FBRSL1: variants seen among roughly 807,000 people sequenced by gnomAD.
FBRSL1 encodes the protein fibrosin-1-like protein.
A neutral mutation model predicts 89.6 loss-of-function variants in FBRSL1; 51 were observed. That is an observed-to-expected ratio of 0.57 (90% CI 0.45 to 0.72). The LOEUF is 0.72. Ranked by LOEUF, FBRSL1 falls within the 30% of genes least tolerant of loss-of-function variation. The pLI is 0.00. For missense variants in FBRSL1, 1,618 were observed against 1,451.8 expected (o/e 1.11, Z -1.86); for synonymous variants, 779 against 681.1 (o/e 1.14, Z -2.24).
intron 1 of FBRSL1, among the ~76,000 whole-genome samples, chr12:132,491,410 C>T (rs977691135): frequency 2.6e-5 from 4 of 152,214 alleles, no homozygotes; most frequent in Admixed American, 6.5e-5. Context: ...ACAGTATTTG[C>T]TGAGCAAATA....
chr12:132,545,504 G>A (rs891423835), intron 4 of FBRSL1, among the ~76,000 whole-genome samples: 5 of 152,344 alleles, frequency 3.3e-5, no homozygotes, highest in East Asian at 1.9e-4. Flanking sequence ...CCTCTGGTGC[G>A]CTTGCTGGAA....
intron 4 of FBRSL1, among the ~76,000 whole-genome samples, chr12:132,538,258 G>A (rs1327475419): frequency 6.6e-6 from 1 of 152,224 alleles, no homozygotes; most frequent in African/African-American, 2.4e-5. Context: ...GCCGACGCAG[G>A]GCTCTCCAGG....
At chr12:132,537,860 A>G (rs919494704) in intron 4 of FBRSL1, among the ~76,000 whole-genome samples, 13 of 152,222 alleles carry the variant, frequency 8.5e-5, no homozygotes, top group Admixed American at 6.5e-5. Flanking sequence ...AGACAAGACC[A>G]TGGATAACAA....
intron 2 of FBRSL1, among the ~76,000 whole-genome samples, chr12:132,514,293 A>C (rs1044660939): frequency 2.0e-5 from 3 of 152,204 alleles, no homozygotes; most frequent in African/African-American, 7.2e-5. Context: ...AGGGAGACCC[A>C]GGGCCGCCCA....
chr12:132,503,046 C>T (rs1459234809), intron 1 of FBRSL1, among the ~76,000 whole-genome samples: 4 of 151,990 alleles, frequency 2.6e-5, no homozygotes, highest in East Asian at 1.9e-4. Flanking sequence ...GCCACAGCCT[C>T]CATAGCTCCC....
At chr12:132,495,552 T>G (rs980814267) in intron 1 of FBRSL1, among the ~76,000 whole-genome samples, 31 of 152,184 alleles carry the variant, frequency 2.0e-4, no homozygotes, top group African/African-American at 7.5e-4. Context: ...GGCTGCTTCC[T>G]GGTCTCCAGG....
chr12:132,533,079 C>T (rs953628837), intron 4 of FBRSL1, among the ~76,000 whole-genome samples: 18 of 152,134 alleles, frequency 1.2e-4, no homozygotes, highest in African/African-American at 3.9e-4. Context: ...CAGAGAGCCA[C>T]GGTCTCCTCC....
intron 12 of FBRSL1, 71 bp from the exon 13 acceptor site, chr12:132,574,248 G>T: frequency 6.9e-7 from 1 of 1,458,464 alleles, no homozygotes; most frequent in Non-Finnish European, 9.0e-7. Flanking sequence ...CAGACGGGCT[G>T]TGTCCCCTGC....
At chr12:132,580,683 A>G (rs143825792) in intron 15 of FBRSL1, 1 of 732,034 alleles carries the variant, frequency 1.4e-6, no homozygotes, top group East Asian at 1.3e-4. Context: ...TCTGAATACA[A>G]CTTGCCGCGT....
intron 5 of FBRSL1, chr12:132,565,732 C>G (rs771031958): frequency 4.6e-5 from 7 of 152,328 alleles, no homozygotes; most frequent in Admixed American, 1.3e-4. Flanking sequence ...GCAGTTGCTT[C>G]CTCCACACAC....
At chr12:132,504,143 G>A (rs550888129) in intron 1 of FBRSL1, among the ~76,000 whole-genome samples, 2 of 152,300 alleles carry the variant, frequency 1.3e-5, no homozygotes, top group Admixed American at 1.3e-4. Context: ...GTGCCAAGGA[G>A]GGGAGAGGCC....
In FBRSL1 at chr12:132,519,894, T is replaced by C. The variant is rs1232185891; in HGVS notation, c.490-5840T>C. Among the ~76,000 whole-genome samples, 140 of 104,548 alleles carry C rather than the reference T, an allele frequency of 1.3e-3. 2 individuals are homozygous for C. In the Admixed American group the frequency reaches 0.015, roughly 11 times the overall value. The allele number at this position is 104,548 out of a possible 152,430, so 68.6% of individuals were successfully genotyped here. A position where few individuals can be genotyped will look rare whatever the true frequency, so the allele number is the denominator to read the frequency against. On this transcript the variant is annotated intron_variant, in intron 2 of 18. Transcript: ENST00000680143. ...CTGCACTCCAGCCTGGGCAAGACTC[T>C]GTCTCAAAAAAAAAAAAAAAAAAAG...
At chr12:132,568,489 G>A (rs1248917119) in intron 6 of FBRSL1, among the ~76,000 whole-genome samples, 2 of 152,272 alleles carry the variant, frequency 1.3e-5, no homozygotes, top group African/African-American at 2.4e-5. Flanking sequence ...AGCTGGCTTC[G>A]CAGACGGTGT....
intron 6 of FBRSL1, among the ~76,000 whole-genome samples, chr12:132,569,465 C>A (rs2039860661): frequency 6.6e-6 from 1 of 152,170 alleles, no homozygotes; most frequent in Non-Finnish European, 1.5e-5. Flanking sequence ...CAGACCCATG[C>A]CCTGGGCTGA....
rs977532085 is a variant in FBRSL1 at position 132,570,505 on chromosome 12, C to A, written c.1178C>A (p.Pro393Gln). The change falls in exon 8 of 19, where the codon CCG (proline) becomes CAG (glutamine). Residue 393 changes from proline to glutamine, a missense_variant. Transcript: ENST00000680143. ...PPTLPPPPAL[P>Q]ASSLVLPGHP... ...ACACTGCCCCCGCCCCCGGCGCTGC[C>A]GGCCAGCAGCCTGGTCCTCCCAGGA... The A allele has an allele frequency of 6.6e-7, 1 of 1,526,502 alleles. No homozygotes were observed. The highest frequency in any genetic ancestry group is 1.2e-5 in the South Asian group (1 of 82,754). 94.6% of individuals were successfully genotyped at this position (1,526,502 alleles called of 1,614,324 possible). A position where few individuals can be genotyped will look rare whatever the true frequency, so the allele number is the denominator to read the frequency against.
At chr12:132,524,387 G>A (rs2035611896) in intron 2 of FBRSL1, among the ~76,000 whole-genome samples, 2 of 152,280 alleles carry the variant, frequency 1.3e-5, no homozygotes, top group African/African-American at 4.8e-5. Flanking sequence ...GACCTCAGGG[G>A]CCTGGGTGAC....
intron 4 of FBRSL1, among the ~76,000 whole-genome samples, chr12:132,539,526 C>G (rs1301391585): frequency 2.1e-5 from 2 of 97,356 alleles, no homozygotes; most frequent in Non-Finnish European, 4.1e-5. Flanking sequence ...CCTCCAGCCC[C>G]GTGCCCACCC....
At chr12:132,507,004 G>C (rs1370750186) in intron 1 of FBRSL1, 1 of 169,804 alleles carries the variant, frequency 5.9e-6, no homozygotes, top group Non-Finnish European at 1.2e-5. Flanking sequence ...GTCATGGGGC[G>C]GGCGCCCAGC....
At chr12:132,527,720 T>A (rs9668516) in intron 3 of FBRSL1, among the ~76,000 whole-genome samples, 95,582 of 119,368 alleles carry the variant, frequency 0.8, 37,095 homozygotes, top group African/African-American at 0.92. Context: ...GGCAGGGTTG[T>A]GGGCTGCGGG....
Sources: allele counts gnomAD v4.1 joint callset (sites outside exome capture counted in the v4.1 genomes callset), GRCh38; gene constraint gnomAD v4.1.1; transcripts MANE v1.5; gene names NCBI Gene and HGNC (gene_info 2026-07-23, HGNC 2026-07-21).